AP1S2: variants seen among roughly 807,000 people sequenced by gnomAD.
The protein encoded by AP1S2 is AP-1 complex subunit sigma-2.
Under a neutral mutation model 14.3 loss-of-function variants are expected in AP1S2, and 1 was observed. The observed-to-expected ratio is 0.07, with a 90% CI of 0.02 to 0.33. The LOEUF is 0.33. Ranked by LOEUF, AP1S2 falls within the 10% of genes least tolerant of loss-of-function variation. The pLI, the probability that AP1S2 is intolerant of heterozygous loss-of-function variation, is 0.99. For missense variants in AP1S2, 30 were observed against 117.7 expected (o/e 0.25, Z 3.45); for synonymous variants, 30 against 40.5 (o/e 0.74, Z 0.99).
At chrX:15,842,113 T>A (rs1933854093) in intron 4 of AP1S2, among the ~76,000 whole-genome samples, 1 of 112,001 alleles carries the variant, frequency 8.9e-6, no homozygotes, top group African/African-American at 3.2e-5. Flanking sequence ...CAAGCGTTAG[T>A]TACCATCATA....
chrX:15,837,799 G>T (rs930832979), intron 4 of AP1S2, among the ~76,000 whole-genome samples: 1 of 109,343 alleles, frequency 9.1e-6, no homozygotes, highest in Non-Finnish European at 1.9e-5. Flanking sequence ...TAGAGACAGG[G>T]TTTCACCATG....
chrX:15,842,974 C>T lies in AP1S2; in HGVS notation c.426+2405G>A, dbSNP rs1160481133. 2.9e-5 allele frequency among the ~76,000 whole-genome samples: 3 copies of T among 104,543 alleles called. 1 individual carries two copies. Among genetic ancestry groups the T allele is most frequent in the Non-Finnish European group, 5.9e-5 (3 of 51,154 alleles). 90.8% of individuals were successfully genotyped at this position (104,543 alleles called of 115,157 possible). On this transcript the variant is annotated intron_variant, in intron 4 of 5. Transcript: ENST00000672987. ...ACAGGAAGCGGAGGTTGCAGAGAGC[C>T]GAAATTGCACCACTGCACTCCAGCC...
At chrX:15,839,330 G>A (rs1355905300) in intron 4 of AP1S2, among the ~76,000 whole-genome samples, 2 of 112,061 alleles carry the variant, frequency 1.8e-5, no homozygotes, top group Non-Finnish European at 3.8e-5. Context: ...AATCTAAGAG[G>A]ATTTATATCA....
At chrX:15,833,297 C>T in intron 4 of AP1S2, 2 of 876,237 alleles carry the variant, frequency 2.3e-6, no homozygotes, top group Non-Finnish European at 2.8e-6. Flanking sequence ...TCTACAGGAA[C>T]AATTCTCAAT....
intron 2 of AP1S2, among the ~76,000 whole-genome samples, chrX:15,847,604 C>A (rs1042623201): frequency 7.1e-5 from 8 of 112,080 alleles, no homozygotes; most frequent in Admixed American, 1.9e-4. Flanking sequence ...CAAAACAGGG[C>A]ATCAATGCCA....
chrX:15,852,961 C>G, intron 1 of AP1S2: 1 of 484,952 alleles, frequency 2.1e-6, no homozygotes, highest in Non-Finnish European at 2.5e-6. Context: ...ATCCTGAGGC[C>G]GTTCTAGTTC....
intron 4 of AP1S2, among the ~76,000 whole-genome samples, chrX:15,828,628 C>T (rs1207137388): frequency 9.1e-6 from 1 of 110,467 alleles, no homozygotes; most frequent in Non-Finnish European, 1.9e-5. Flanking sequence ...AGTATTCTTG[C>T]CCCCTCAAAT....
chrX:15,848,183 G>C (rs1244315410), intron 2 of AP1S2, among the ~76,000 whole-genome samples: 1 of 111,523 alleles, frequency 9.0e-6, no homozygotes, highest in Non-Finnish European at 1.9e-5. Flanking sequence ...TAGCTATCAG[G>C]ATAATAATGT....
At position 15,826,973 on chromosome X, in the gene AP1S2, C is replaced by G. The variant is rs894376349; in HGVS notation, c.*352G>C. The G allele has an allele frequency of 7.2e-6, 1 of 138,139 alleles. No individual in the cohort carries two copies. The highest frequency in any genetic ancestry group is 3.2e-5 in the African/African-American group (1 of 31,035). The allele number at this position is 138,139 out of a possible 1,213,427, so 11.4% of individuals were successfully genotyped here. A position where few individuals can be genotyped will look rare whatever the true frequency, so the allele number is the denominator to read the frequency against. ...TTTCACATTATAATTTAAGAGTTTC[C>G]TTTGTCAAATACAGTAATTAATAAA... On this transcript the variant is annotated 3_prime_UTR_variant, in exon 6 of 6. Transcript: ENST00000672987.
At chrX:15,829,981 A>C in intron 4 of AP1S2, 5 of 510,417 alleles carry the variant, frequency 9.8e-6, no homozygotes, top group Non-Finnish European at 1.2e-5. Flanking sequence ...AATTTAAAAA[A>C]TTTGCCTAGA....
chrX:15,846,906 C>A (rs1934016536), intron 2 of AP1S2, among the ~76,000 whole-genome samples: 1 of 112,060 alleles, frequency 8.9e-6, no homozygotes, highest in South Asian at 3.6e-4. Context: ...TCATGTTATG[C>A]TTGACCCAAG....
At chrX:15,842,112 G>A (rs915565396) in intron 4 of AP1S2, among the ~76,000 whole-genome samples, 4 of 111,974 alleles carry the variant, frequency 3.6e-5, no homozygotes, top group Non-Finnish European at 5.6e-5. Flanking sequence ...TCAAGCGTTA[G>A]TTACCATCAT....
intron 5 of AP1S2, among the ~76,000 whole-genome samples, chrX:15,827,822 G>T (rs1340935168): frequency 9.0e-6 from 1 of 111,438 alleles, no homozygotes; most frequent in Non-Finnish European, 1.9e-5. Context: ...TCCTCTTGGA[G>T]TTTTTAGTTA....
At chrX:15,851,503 A>C (rs1360555619) in intron 2 of AP1S2, among the ~76,000 whole-genome samples, 1 of 112,475 alleles carries the variant, frequency 8.9e-6, no homozygotes, top group Admixed American at 9.4e-5. Flanking sequence ...TCTTAAATTC[A>C]GCAAATTATT....
chrX:15,838,775 TCTCA>T, intron 4 of AP1S2, among the ~76,000 whole-genome samples: 1 of 110,807 alleles, frequency 9.0e-6, no homozygotes, highest in South Asian at 3.8e-4. Flanking sequence ...TGAGACAGAG[TCTCA>T]CTCTGTCGCC....
In AP1S2 at chrX:15,825,996, AT is replaced by A. The variant is rs1933248152; in HGVS notation, c.*1328del. 1 of 112,123 alleles carries A rather than the reference AT, an allele frequency of 8.9e-6. No homozygotes were observed. The highest frequency in any genetic ancestry group is 1.9e-5 in the Non-Finnish European group (1 of 53,270). 9.2% of individuals were successfully genotyped at this position (112,123 alleles called of 1,213,427 possible). A position where few individuals can be genotyped will look rare whatever the true frequency, so the allele number is the denominator to read the frequency against. Reference sequence around the variant, plus strand: ...TTTTCAACATTTTACTGAAAAAAAAATGAGAAATTCTTCCTTCAGCAGCTCT... The same window carrying A: ...TTTTCAACATTTTACTGAAAAAAAAAGAGAAATTCTTCCTTCAGCAGCTCT... On this transcript the variant is annotated 3_prime_UTR_variant, in exon 6 of 6. Coordinates refer to ENST00000672987, the MANE Select transcript of AP1S2 (RefSeq NM_001272071.2).
chrX:15,842,715 A>G (rs959926659), intron 4 of AP1S2, among the ~76,000 whole-genome samples: 6 of 112,427 alleles, frequency 5.3e-5, no homozygotes, highest in Admixed American at 4.7e-4. Flanking sequence ...TTCTCTTTGC[A>G]CTTACTTTCC....
intron 4 of AP1S2, chrX:15,830,006 A>C: frequency 1.6e-5 from 10 of 608,204 alleles, no homozygotes; most frequent in Non-Finnish European, 2.0e-5. Flanking sequence ...TGAAAATATA[A>C]AACGTTATTT....
At chrX:15,830,373 T>C (rs984676223) in intron 4 of AP1S2, 3 of 751,769 alleles carry the variant, frequency 4.0e-6, no homozygotes, top group East Asian at 1.5e-4. Flanking sequence ...GCTTCAAATG[T>C]CGTGCATTAC....
Sources: gnomAD v4.1 joint callset for allele counts (sites outside exome capture counted in the v4.1 genomes callset) on GRCh38, gnomAD v4.1.1 for gene constraint, MANE v1.5 for transcripts, NCBI Gene and HGNC (gene_info 2026-07-23, HGNC 2026-07-21) for gene names.